TTC7A: variants seen among roughly 807,000 people sequenced by gnomAD.
TTC7A encodes the protein tetratricopeptide repeat protein 7A.
Under a neutral mutation model 103.7 loss-of-function variants are expected in TTC7A, and 110 were observed. That is an observed-to-expected ratio of 1.06 (90% CI 0.91 to 1.24). The LOEUF (loss-of-function observed/expected upper bound fraction) is 1.24. Ranked by LOEUF, TTC7A falls within the 50% of genes most tolerant of loss-of-function variation. The pLI is 0.00. For missense variants in TTC7A, 1,340 were observed against 1,116.3 expected, an observed-to-expected ratio of 1.20 and a Z score of -2.86; for synonymous variants, 521 against 467.9, an observed-to-expected ratio of 1.11 and a Z score of -1.47.
intron 3 of TTC7A, among the ~76,000 whole-genome samples, chr2:46,972,057 G>A (rs1572769447): frequency 6.6e-6 from 1 of 152,160 alleles, no homozygotes. Flanking sequence ...GAAATTTCCA[G>A]CAGGTAGAGC....
intron 2 of TTC7A, among the ~76,000 whole-genome samples, chr2:46,926,314 C>T (rs1460213009): frequency 3.3e-5 from 5 of 152,198 alleles, no homozygotes; most frequent in Admixed American, 6.5e-5. Flanking sequence ...CTGTGCTAAA[C>T]AGTGGAGATC....
chr2:47,006,583 G>A lies in TTC7A; in HGVS notation c.1204-58G>A, dbSNP rs145220423. 73,208 of 1,460,716 alleles carry A rather than the reference G, an allele frequency of 0.05. 2,044 individuals carry two copies. The highest frequency in any genetic ancestry group is 0.07 in the Middle Eastern group (400 of 5,752). 90.5% of individuals were successfully genotyped at this position (1,460,716 alleles called of 1,614,324 possible). On this transcript the variant is annotated intron_variant, in intron 9 of 19. Coordinates refer to ENST00000319190, the MANE Select transcript of TTC7A (RefSeq NM_020458.4). ...GGCAGTAACTACCCTGGAAGGGTGC[G>A]GATGGCTGGGGTGGGAGGACCCCTG... is the stretch of plus-strand genomic sequence containing the variant.
intron 8 of TTC7A, among the ~76,000 whole-genome samples, chr2:47,003,049 A>ACGCC (rs550084546): frequency 2.6e-3 from 402 of 151,928 alleles, no homozygotes; most frequent in African/African-American, 9.4e-3. Context: ...GACCTAATTA[A>ACGCC]CGCCCGGTTC....
rs1685165942 is a variant in TTC7A, at chr2:47,075,791, G to C, written c.*1868G>C. On this transcript the variant is annotated 3_prime_UTR_variant, in exon 20 of 20. Coordinates refer to ENST00000319190, the MANE Select transcript of TTC7A (RefSeq NM_020458.4). Reference sequence around the variant, plus strand: ...GTTGCTAAGGCTGGGCTAAAGCCTGGAGAGGGTAGGAGGAGGCAAGAGGGG... The same window carrying C: ...GTTGCTAAGGCTGGGCTAAAGCCTGCAGAGGGTAGGAGGAGGCAAGAGGGG... 6.6e-6 allele frequency: 1 copy of C among 152,488 alleles called. No individual in the cohort carries two copies. The highest frequency in any genetic ancestry group is 1.5e-5 in the Non-Finnish European group (1 of 68,238). 9.4% of individuals were successfully genotyped at this position (152,488 alleles called of 1,614,324 possible).
chr2:46,927,096 AAG>A (rs1262090292), intron 2 of TTC7A, among the ~76,000 whole-genome samples: 1 of 152,184 alleles, frequency 6.6e-6, no homozygotes, highest in Non-Finnish European at 1.5e-5. Flanking sequence ...ACAAAAGGAT[AAG>A]AGTCACAGAG....
At chr2:47,016,505 T>G (rs1321094126) in intron 11 of TTC7A, among the ~76,000 whole-genome samples, 3 of 152,188 alleles carry the variant, frequency 2.0e-5, no homozygotes, top group Non-Finnish European at 4.4e-5. Context: ...TGCAGAGGAC[T>G]AGGCAGGGAA....
intron 3 of TTC7A, among the ~76,000 whole-genome samples, chr2:46,974,017 C>G (rs1489104519): frequency 6.6e-6 from 1 of 152,218 alleles, no homozygotes; most frequent in East Asian, 1.9e-4. Context: ...CCCGCCTTGC[C>G]TGGTGGTGAA....
intron 8 of TTC7A, among the ~76,000 whole-genome samples, chr2:47,004,360 G>A (rs1334321860): frequency 6.6e-6 from 1 of 152,212 alleles, no homozygotes; most frequent in Non-Finnish European, 1.5e-5. Context: ...CACACCCAGA[G>A]CCTGTGGTCT....
chr2:46,974,855 C>T (rs1357794878), intron 3 of TTC7A, 118 bp from the exon 4 acceptor site: 1 of 1,443,530 alleles, frequency 6.9e-7, no homozygotes, highest in African/African-American at 1.4e-5. Flanking sequence ...CCTCCGCCTC[C>T]TCCTGGCTGC....
In TTC7A at chr2:47,053,940, T is replaced by C. The variant is rs975057598; in HGVS notation, c.2152+2060T>C. On this transcript the variant is annotated intron_variant, in intron 18 of 19. Coordinates refer to ENST00000319190, the MANE Select transcript of TTC7A (RefSeq NM_020458.4). ...TTGCAGTTCTCAGGTTGTATATTGC[T>C]TTATACTAGGGATGTTAGCATGTGC... 1.7e-5 allele frequency: 3 copies of C among 174,606 alleles called. No homozygotes were observed. In the Admixed American group the frequency reaches 2.0e-4, roughly 11 times the overall value. The allele number at this position is 174,606 out of a possible 1,614,324, so 10.8% of individuals were successfully genotyped here. A position where few individuals can be genotyped will look rare whatever the true frequency, so the allele number is the denominator to read the frequency against.
chr2:46,928,274 C>G (rs906099606), intron 2 of TTC7A, among the ~76,000 whole-genome samples: 6 of 151,646 alleles, frequency 4.0e-5, no homozygotes, highest in African/African-American at 1.2e-4. Flanking sequence ...TCTCACAGTT[C>G]TGTAGATCAG....
chr2:47,008,634 C>T lies in TTC7A; in HGVS notation c.1287+1910C>T, dbSNP rs541413338. Among the ~76,000 whole-genome samples, 30 of 152,310 alleles carry T rather than the reference C, an allele frequency of 2.0e-4. 1 individual carries two copies. Among genetic ancestry groups the T allele is most frequent in the Admixed American group, 9.8e-4 (15 of 15,300 alleles). ...AGATTGTTCTGGAAAGCATTCTCCA[C>T]CCCCCTTGGGAACCCTGCCCACCAA... On this transcript the variant is annotated intron_variant, in intron 10 of 19. Coordinates refer to ENST00000319190, the MANE Select transcript of TTC7A (RefSeq NM_020458.4).
intron 11 of TTC7A, among the ~76,000 whole-genome samples, chr2:47,013,095 C>T (rs1462493719): frequency 2.0e-5 from 3 of 152,132 alleles, no homozygotes; most frequent in East Asian, 1.9e-4. Context: ...CAGTAAGTCT[C>T]CTCGGGTGGG....
chr2:47,060,426 C>T (rs372258791), intron 18 of TTC7A, among the ~76,000 whole-genome samples: 5 of 152,098 alleles, frequency 3.3e-5, no homozygotes, highest in African/African-American at 7.2e-5. Flanking sequence ...ATGGTCATAC[C>T]AGTGCACTCC....
intron 11 of TTC7A, among the ~76,000 whole-genome samples, chr2:47,017,192 C>G (rs891653766): frequency 3.5e-5 from 4 of 115,072 alleles, no homozygotes; most frequent in African/African-American, 3.5e-5. Flanking sequence ...AAGAGCGACA[C>G]TCTGTCTCAA....
At chr2:47,044,448 C>T (rs533601722) in intron 15 of TTC7A, among the ~76,000 whole-genome samples, 2 of 152,206 alleles carry the variant, frequency 1.3e-5, no homozygotes, top group African/African-American at 2.4e-5. Flanking sequence ...TTGTCCCCAG[C>T]AGTTGCCCAC....
chr2:46,972,184 A>G (rs1337740919), intron 3 of TTC7A, among the ~76,000 whole-genome samples: 1 of 150,364 alleles, frequency 6.7e-6, no homozygotes, highest in African/African-American at 2.4e-5. Context: ...TTTATTCAAT[A>G]TTTTTCCTGT....
At chr2:46,970,505 G>A (rs1673260365) in intron 3 of TTC7A, among the ~76,000 whole-genome samples, 1 of 152,236 alleles carries the variant, frequency 6.6e-6, no homozygotes, top group African/African-American at 2.4e-5. Flanking sequence ...CCCAGTGCTG[G>A]ACCCGGAGGT....
Position 47,029,224 on chromosome 2 carries a change from A to AT in TTC7A, c.1643dup (p.Ser549LeufsTer17). The AT allele has an allele frequency of 1.2e-6, 2 of 1,613,628 alleles. No homozygotes were observed. Among genetic ancestry groups the AT allele is most frequent in the Non-Finnish European group, 1.7e-6 (2 of 1,179,960 alleles). ...CTAACCTGGCGGGTTCCTTCAACAG[A>AT]TCTCCAGTGCCATGGAGCAGCTGCA... On this transcript the variant is annotated frameshift_variant and splice_region_variant, in exon 15 of 20. Transcript: ENST00000319190. LOFTEE classifies it high-confidence loss of function.
Sources: gnomAD v4.1 joint callset for allele counts (sites outside exome capture counted in the v4.1 genomes callset) on GRCh38, gnomAD v4.1.1 for gene constraint, MANE v1.5 for transcripts, NCBI Gene and HGNC (gene_info 2026-07-23, HGNC 2026-07-21) for gene names.